The following IGHMBP2 variants were observed in gnomAD, a reference collection of about 807,000 sequenced individuals.
The protein encoded by IGHMBP2 is DNA-binding protein SMUBP-2.
IGHMBP2 carries 81 observed loss-of-function variants against 96.0 expected under a neutral mutation model. That is an observed-to-expected ratio of 0.84 (90% CI 0.71 to 1.01). The LOEUF (loss-of-function observed/expected upper bound fraction) is 1.01, where lower values mean the gene tolerates loss of function less well. Among genes scored for constraint, IGHMBP2 ranks in the 50% least tolerant of loss-of-function variants. The pLI is 0.00. For missense variants in IGHMBP2, 1,227 were observed against 1,306.3 expected, an observed-to-expected ratio of 0.94 and a Z score of 0.94; for synonymous variants, 557 against 548.9, an observed-to-expected ratio of 1.01 and a Z score of -0.21.
intron 8 of IGHMBP2, among the ~76,000 whole-genome samples, chr11:68,931,985 C>T (rs1386184594): frequency 2.2e-5 from 3 of 138,642 alleles, no homozygotes; most frequent in South Asian, 2.3e-4. Context: ...TGGGGGAAGA[C>T]GTTGGGTGGT....
chr11:68,925,766 G>T (rs1489515984), intron 7 of IGHMBP2, among the ~76,000 whole-genome samples: 2 of 152,130 alleles, frequency 1.3e-5, no homozygotes, highest in Non-Finnish European at 2.9e-5. Flanking sequence ...CCCTTTGGAC[G>T]TGTCATTCCA....
chr11:68,910,881 C>CAAA (rs10599717), intron 4 of IGHMBP2, among the ~76,000 whole-genome samples: 2 of 120,828 alleles, frequency 1.7e-5, no homozygotes, highest in African/African-American at 3.2e-5. Context: ...GACTCCATCT[C>CAAA]AAAAAAAAAA....
chr11:68,929,225 A>C lies in IGHMBP2; in HGVS notation c.1103A>C (p.Tyr368Ser), dbSNP rs1282979690. ...DGPLKLLPES[Y>S]FDVVVIDECA... is the part of the protein sequence containing the mutation. ...CCCCTGAAGTTGCTGCCCGAGAGCTACTTCGACGTGGTGGTCATTGACGAG... is the reference window on the plus strand; with the variant it reads ...CCCCTGAAGTTGCTGCCCGAGAGCTCCTTCGACGTGGTGGTCATTGACGAG... The change falls in exon 8 of 15, where the codon TAC becomes TCC. Residue 368 changes from tyrosine to serine, a missense_variant. This residue lies in a region of IGHMBP2 where 507 missense variants were observed against 496.9 expected (regional missense o/e 1.02). Transcript: ENST00000255078. 1 of 1,613,714 alleles carries C rather than the reference A, an allele frequency of 6.2e-7. No homozygotes were observed. The highest frequency in any genetic ancestry group is 1.1e-5 in the South Asian group (1 of 91,088).
intron 5 of IGHMBP2, among the ~76,000 whole-genome samples, chr11:68,912,061 GA>G (rs1858459235): frequency 6.6e-6 from 1 of 152,246 alleles, no homozygotes; most frequent in Non-Finnish European, 1.5e-5. Flanking sequence ...GTGCACAGAT[GA>G]ATGATTTTCT....
chr11:68,927,168 A>G lies in IGHMBP2; in HGVS notation c.1061-2015A>G, dbSNP rs556519790. ...TTGAAAATGGATGATTTTAAATAAT[A>G]GAATGTAGCAACTCTGGAAGTCAGG... On this transcript the variant is annotated intron_variant, in intron 7 of 14. Transcript: ENST00000255078. Among the ~76,000 whole-genome samples, 54 of 152,346 alleles carry G rather than the reference A, an allele frequency of 3.5e-4. 1 individual carries two copies. The highest frequency in any genetic ancestry group is 1.3e-3 in the African/African-American group (53 of 41,574).
intron 5 of IGHMBP2, among the ~76,000 whole-genome samples, chr11:68,912,044 A>G (rs1213365846): frequency 2.0e-5 from 3 of 152,282 alleles, no homozygotes; most frequent in African/African-American, 4.8e-5. Context: ...TACGATGCAC[A>G]TGTCCAGTGC....
intron 6 of IGHMBP2, among the ~76,000 whole-genome samples, chr11:68,915,315 G>T (rs1858618239): frequency 6.6e-6 from 1 of 151,494 alleles, no homozygotes. Flanking sequence ...TAGTAGCTGG[G>T]ACTGCAGGTG....
intron 5 of IGHMBP2, among the ~76,000 whole-genome samples, chr11:68,912,400 G>T (rs664930): frequency 0.26 from 40,212 of 152,006 alleles, 5,817 homozygotes; most frequent in South Asian, 0.48. Context: ...AAAGTGCTAC[G>T]ATTACAGGCA....
chr11:68,938,329 A>G lies in IGHMBP2; in HGVS notation c.2759A>G (p.Tyr920Cys). 6.2e-7 allele frequency: 1 copy of G among 1,611,572 alleles called. No homozygotes were observed. Among genetic ancestry groups the G allele is most frequent in the Non-Finnish European group, 8.5e-7 (1 of 1,179,540 alleles). Residue 920 changes from tyrosine (Y) to cysteine (C), a missense_variant, in exon 14 of 15, where the codon TAC (tyrosine) becomes TGC (cysteine). Coordinates refer to ENST00000255078, the MANE Select transcript of IGHMBP2 (RefSeq NM_002180.3). ...TTCTGCCAGCTCTGCAGCCGCCGCT[A>G]CTGCCTCAGCCACCACCTGCCCGAG... is the stretch of plus-strand genomic sequence containing the variant. ...GQFCQLCSRR[Y>C]CLSHHLPEIH...
At chr11:68,918,025 G>A (rs1858737281) in intron 7 of IGHMBP2, 142 bp downstream of exon 7, 6 of 797,192 alleles carry the variant, frequency 7.5e-6, no homozygotes, top group African/African-American at 3.4e-5. Flanking sequence ...GAAGGCCTCC[G>A]TACCTGCAGT....
rs757779436 is a variant in IGHMBP2 at position 68,936,874 on chromosome 11, G to C, written c.2394G>C (p.Gly798=). ...RPRAALGPPA[G]TGGPAPLQPV... The stretch of plus-strand genomic sequence containing the variant: ...GAGCAGCCCTGGGACCCCCAGCAGG[G>C]ACCGGTGGCCCAGCCCCTCTCCAGC... Residue 798 remains glycine (G), a synonymous_variant, in exon 13 of 15, where the codon GGG becomes GGC. Coordinates refer to ENST00000255078, the MANE Select transcript of IGHMBP2 (RefSeq NM_002180.3). 5.0e-6 allele frequency: 8 copies of C among 1,611,562 alleles called. No individual in the cohort carries two copies. In the Admixed American group the frequency reaches 8.4e-5, roughly 17 times the overall value.
intron 1 of IGHMBP2, among the ~76,000 whole-genome samples, chr11:68,905,572 A>G (rs76297537): frequency 6.6e-6 from 1 of 152,136 alleles, no homozygotes; most frequent in Admixed American, 6.6e-5. Context: ...TGTTCTGTGT[A>G]TGAAGGATGG....
intron 4 of IGHMBP2, 103 bp from the exon 5 acceptor site, chr11:68,911,337 C>A: frequency 8.4e-7 from 1 of 1,195,736 alleles, no homozygotes; most frequent in Non-Finnish European, 1.2e-6. Flanking sequence ...CCGGCGTGTT[C>A]CTGACAGGCA....
intron 4 of IGHMBP2, among the ~76,000 whole-genome samples, chr11:68,909,819 A>G (rs1273096725): frequency 1.3e-5 from 2 of 151,790 alleles, no homozygotes; most frequent in African/African-American, 4.8e-5. Flanking sequence ...AGTAGAGACA[A>G]CATGGTTTCA....
intron 8 of IGHMBP2, 55 bp downstream of exon 8, chr11:68,929,412 TCCACGCTCAGCCAGGAGCC>T (rs960142023): frequency 1.3e-6 from 2 of 1,539,236 alleles, no homozygotes; most frequent in Non-Finnish European, 1.8e-6. Context: ...CTGCGGTCCT[TCCACGCTCAGCCAGGAGCC>T]CCAGGCTCAC....
intron 7 of IGHMBP2, among the ~76,000 whole-genome samples, chr11:68,928,774 G>A (rs193262319): frequency 1.9e-4 from 29 of 150,158 alleles, no homozygotes; most frequent in Admixed American, 1.9e-3. Context: ...AATACATGGA[G>A]GCTTTTTTCT....
At chr11:68,906,839 T>C (rs1858219770) in intron 2 of IGHMBP2, among the ~76,000 whole-genome samples, 1 of 151,960 alleles carries the variant, frequency 6.6e-6, no homozygotes, top group Non-Finnish European at 1.5e-5. Context: ...ACGGGGTTTC[T>C]CCATGTTGTT....
At chr11:68,904,060 G>A (rs763059832) in intron 1 of IGHMBP2, 22 bp downstream of exon 1, 2 of 1,536,848 alleles carry the variant, frequency 1.3e-6, no homozygotes, top group African/African-American at 2.7e-5. Flanking sequence ...CGCCGGCGCC[G>A]CTCCCTCGCG....
Position 68,939,884 on chromosome 11 carries a change from C to A in IGHMBP2, c.*153C>A. On this transcript the variant is annotated 3_prime_UTR_variant, in exon 15 of 15. Transcript: ENST00000255078. ...TGTTGGGGAAGGTTGGGTTTTTGGA[C>A]CCCAGGGATAAGCTTTTCCGATGTC... 1.3e-6 allele frequency: 1 copy of A among 747,360 alleles called. No homozygotes were observed. Among genetic ancestry groups the A allele is most frequent in the Non-Finnish European group, 2.2e-6 (1 of 458,994 alleles). The allele number at this position is 747,360 out of a possible 1,614,324, so 46.3% of individuals were successfully genotyped here.
Sources: allele counts gnomAD v4.1 joint callset (sites outside exome capture counted in the v4.1 genomes callset), GRCh38; gene constraint gnomAD v4.1.1; regional missense constraint gnomAD v4.1.1; transcripts MANE v1.5; gene names NCBI Gene and HGNC (gene_info 2026-07-23, HGNC 2026-07-21).